Variants in RUBCNL observed in about 807,000 individuals in gnomAD.
RUBCNL encodes the protein protein associated with UVRAG as autophagy enhancer.
RUBCNL carries 62 observed loss-of-function variants against 69.5 expected under a neutral mutation model. The observed-to-expected ratio is 0.89, with a 90% CI of 0.73 to 1.10. RUBCNL has a LOEUF of 1.10. RUBCNL is among the 50% of genes least tolerant of loss of function. The pLI is 0.00. For synonymous variants in RUBCNL, 291 were observed against 303.6 expected, an observed-to-expected ratio of 0.96 and a Z score of 0.43; for missense variants, 768 against 798.1, an observed-to-expected ratio of 0.96 and a Z score of 0.45.
chr13:46,352,418 G>A lies in RUBCNL; in HGVS notation c.1331-2067C>T, dbSNP rs555320171. 1.5e-4 allele frequency among the ~76,000 whole-genome samples: 23 copies of A among 152,336 alleles called. 2 individuals are homozygous for A. Among genetic ancestry groups the A allele is most frequent in the African/African-American group, 5.3e-4 (22 of 41,574 alleles). On this transcript the variant is annotated intron_variant, in intron 10 of 14. Coordinates refer to ENST00000429979, the MANE Select transcript of RUBCNL (RefSeq NM_025113.5). ...AGAAATCTTAGTTGCCATATACTGG[G>A]AGGATTAATGAAATCATGGATGGGA...
Position 46,370,590 on chromosome 13 carries a change from A to G in RUBCNL, c.535+1351T>C, listed in dbSNP as rs1052050476. Among the ~76,000 whole-genome samples, 22 of 152,338 alleles carry G rather than the reference A, an allele frequency of 1.4e-4. No individual in the cohort carries two copies. The East Asian group carries it at 4.2e-3, about 29-fold the overall frequency. On this transcript the variant is annotated intron_variant, in intron 3 of 14. Transcript: ENST00000429979. ...GTGAGTTGTTTCTAAAGGCACTGAC[A>G]GGAGCTGTTGGGAGTCCTTGTCTTT...
intron 5 of RUBCNL, among the ~76,000 whole-genome samples, chr13:46,365,875 G>C (rs981646022): frequency 6.6e-6 from 1 of 152,170 alleles, no homozygotes; most frequent in Admixed American, 6.5e-5. Flanking sequence ...GGATCAACTA[G>C]GGGAAACAAG....
intron 7 of RUBCNL, among the ~76,000 whole-genome samples, chr13:46,361,797 G>A (rs905403793): frequency 2.6e-5 from 4 of 152,170 alleles, no homozygotes; most frequent in Non-Finnish European, 4.4e-5. Context: ...ACTTAGAGGT[G>A]TGGTGAAAGA....
intron 3 of RUBCNL, among the ~76,000 whole-genome samples, 187 bp from the exon 4 acceptor site, chr13:46,369,002 T>C (rs1167164496): frequency 2.0e-5 from 3 of 152,222 alleles, no homozygotes; most frequent in Non-Finnish European, 4.4e-5. Flanking sequence ...GCTTTAATGA[T>C]GATCATTTCT....
Position 46,343,419 on chromosome 13 carries a change from T to C in RUBCNL, c.1955A>G (p.Lys652Arg), listed in dbSNP as rs765080748. The C allele has an allele frequency of 1.9e-6, 3 of 1,613,740 alleles. No individual in the cohort carries two copies. In the Admixed American group the frequency reaches 5.0e-5, roughly 27 times the overall value. Residue 652 changes from lysine to arginine, a missense_variant, in exon 15 of 15, where the codon AAA (lysine) becomes AGA (arginine). Coordinates refer to ENST00000429979, the MANE Select transcript of RUBCNL (RefSeq NM_025113.5). Reference protein sequence around the residue: ...PRCARITARRKLLESVASAAT With the variant: ...PRCARITARRRLLESVASAAT ...TGCAGAGGCCACACTTTCCAGAAGT[T>C]TTCTCCTCGCTGTGATCCTCGCACA...
chr13:46,343,248 T>C lies in RUBCNL; in HGVS notation c.*137A>G, dbSNP rs2048171675. The stretch of plus-strand genomic sequence containing the variant: ...GCATTCTTTTGAAACATTAAGTATA[T>C]GCAATAAAGAGAATATAGACCATCT... On this transcript the variant is annotated 3_prime_UTR_variant, in exon 15 of 15. Transcript: ENST00000429979. 4 of 1,304,114 alleles carry C rather than the reference T, an allele frequency of 3.1e-6. No homozygotes were observed. In the East Asian group the frequency reaches 1.0e-4, roughly 33 times the overall value. The allele number at this position is 1,304,114 out of a possible 1,614,324, so 80.8% of individuals were successfully genotyped here. A position where few individuals can be genotyped will look rare whatever the true frequency, so the allele number is the denominator to read the frequency against.
chr13:46,359,661 A>T (rs2048568787), intron 8 of RUBCNL, 30 bp from the exon 9 acceptor site: 2 of 1,513,176 alleles, frequency 1.3e-6, no homozygotes, highest in Admixed American at 2.2e-5. Context: ...ATTTAGGAAC[A>T]ACTTAAGCAT....
At chr13:46,365,859 C>T (rs971560526) in intron 5 of RUBCNL, among the ~76,000 whole-genome samples, 10 of 152,170 alleles carry the variant, frequency 6.6e-5, no homozygotes, top group South Asian at 2.1e-4. Flanking sequence ...AAGACAGATA[C>T]ATGCAGGATC....
rs2048614760 is a variant in RUBCNL at position 46,361,700 on chromosome 13, G to A, written c.987-127C>T. ...AGAAGAGGCTGTCATATGAGATGACGCATGAATCACTCACCAGGCATCTTA... is the reference window on the plus strand; with the variant it reads ...AGAAGAGGCTGTCATATGAGATGACACATGAATCACTCACCAGGCATCTTA... On this transcript the variant is annotated intron_variant, in intron 7 of 14. Coordinates refer to ENST00000429979, the MANE Select transcript of RUBCNL (RefSeq NM_025113.5). 1.1e-5 allele frequency: 9 copies of A among 854,698 alleles called. No individual in the cohort carries two copies. The South Asian group carries it at 1.3e-4, about 12-fold the overall frequency. The allele number at this position is 854,698 out of a possible 1,614,324, so 52.9% of individuals were successfully genotyped here. A position where few individuals can be genotyped will look rare whatever the true frequency, so the allele number is the denominator to read the frequency against.
intron 8 of RUBCNL, 32 bp from the exon 9 acceptor site, chr13:46,359,663 C>G (rs369757986): frequency 1.7e-5 from 25 of 1,494,516 alleles, no homozygotes; most frequent in Non-Finnish European, 2.1e-5. Flanking sequence ...TTAGGAACAA[C>G]TTAAGCATAT....
At chr13:46,387,625 T>G (rs1594194775), upstream of RUBCNL, 1 of 985,444 alleles carries the variant, frequency 1.0e-6, no homozygotes, top group Non-Finnish European at 1.2e-6. Context: ...TTGCCTGAAA[T>G]GAAGAATGAG....
At chr13:46,389,319 C>T (rs2138876374), upstream of RUBCNL, among the ~76,000 whole-genome samples, 1 of 152,188 alleles carries the variant, frequency 6.6e-6, no homozygotes, top group Non-Finnish European at 1.5e-5. This position sits in a 1 kb window ranked among gnomAD's most constrained non-coding sequence, Gnocchi z 4.2. Context: ...CCAATTTCCA[C>T]CATACTACCA....
In RUBCNL at chr13:46,372,354, T is replaced by C; in HGVS notation, c.122A>G (p.Gln41Arg). 6.2e-7 allele frequency: 1 copy of C among 1,613,988 alleles called. No homozygotes were observed. The highest frequency in any genetic ancestry group is 8.5e-7 in the Non-Finnish European group (1 of 1,179,878). The change falls in exon 3 of 15, where the codon CAA becomes CGA. Residue 41 changes from glutamine to arginine, a missense_variant. Physicochemically the swap from Gln to Arg is conservative, Grantham distance 43 (BLOSUM62 1). Transcript: ENST00000429979. Reference protein sequence around the residue: ...RLLNTDHPPCQLDIRLMRHKA... With the variant: ...RLLNTDHPPCRLDIRLMRHKA... ...GTGCCTCATGAGCCTGATGTCTAAT[T>C]GGCAAGGAGGATGGTCAGTGTTCAG...
chr13:46,385,507 C>T (rs558676165), intron 1 of RUBCNL, among the ~76,000 whole-genome samples: 1 of 152,188 alleles, frequency 6.6e-6, no homozygotes, highest in South Asian at 2.1e-4. Context: ...TAGAAATAAT[C>T]GTTCCATATT....
rs1232528360 is a variant in RUBCNL at position 46,335,254 on chromosome 13, G to GTTTTTTTTTTTTTT, written c.*8130_*8131insAAAAAAAAAAAAAA. On this transcript the variant is annotated 3_prime_UTR_variant, in exon 15 of 15. Coordinates refer to ENST00000429979, the MANE Select transcript of RUBCNL (RefSeq NM_025113.5). The stretch of plus-strand genomic sequence containing the variant: ...TAATTTGTGTCTTTTTGTTGTTGTT[G>GTTTTTTTTTTTTTT]TTGTTGTTTTTTTTTTTTTTTTTTT... Among the ~76,000 whole-genome samples, 1 of 107,216 alleles carries GTTTTTTTTTTTTTT rather than the reference G, an allele frequency of 9.3e-6. No individual in the cohort carries two copies. The highest frequency in any genetic ancestry group is 3.8e-5 in the African/African-American group (1 of 26,318). The allele number at this position is 107,216 out of a possible 152,430, so 70.3% of individuals were successfully genotyped here.
At chr13:46,362,120 C>T (rs1489907023) in intron 7 of RUBCNL, among the ~76,000 whole-genome samples, 1 of 151,656 alleles carries the variant, frequency 6.6e-6, no homozygotes, top group African/African-American at 2.4e-5. Flanking sequence ...GCCTATAATC[C>T]CAGCTATTCA....
At chr13:46,359,657 G>A in intron 8 of RUBCNL, 26 bp from the exon 9 acceptor site, 3 of 1,520,910 alleles carry the variant, frequency 2.0e-6, no homozygotes, top group Non-Finnish European at 8.9e-7. Context: ...AATGATTTAG[G>A]AACAACTTAA....
At chr13:46,356,315 G>A (rs1317984277) in intron 10 of RUBCNL, 117 bp downstream of exon 10, 1 of 961,968 alleles carries the variant, frequency 1.0e-6, no homozygotes, top group African/African-American at 1.6e-5. Context: ...CTTCTCTGAA[G>A]CTCTTATAAC....
intron 5 of RUBCNL, among the ~76,000 whole-genome samples, chr13:46,364,699 GT>G (rs35790339): frequency 8.4e-4 from 115 of 136,404 alleles, no homozygotes; most frequent in Non-Finnish European, 1.1e-3. Context: ...TTCTACCCTT[GT>G]TTTTTTTTTT....
Sources: allele counts gnomAD v4.1 joint callset (sites outside exome capture counted in the v4.1 genomes callset), GRCh38; gene constraint gnomAD v4.1.1; non-coding constraint Gnocchi (gnomAD v3.1); transcripts MANE v1.5; gene names NCBI Gene and HGNC (gene_info 2026-07-23, HGNC 2026-07-21).